Variants in STK10 observed in about 807,000 individuals in gnomAD.
STK10 encodes the protein serine/threonine-protein kinase 10.
A neutral mutation model predicts 113.8 loss-of-function variants in STK10; 78 were observed. The observed-to-expected ratio is 0.69, with a 90% CI of 0.57 to 0.83. The LOEUF (loss-of-function observed/expected upper bound fraction) is 0.83, where lower values mean the gene tolerates loss of function less well. Among genes scored for constraint, STK10 ranks in the 40% least tolerant of loss-of-function variants. The pLI is 0.00. For missense variants in STK10, 1,109 were observed against 1,280.1 expected (o/e 0.87, Z 2.04); for synonymous variants, 465 against 494.7 (o/e 0.94, Z 0.80).
At chr5:172,113,262 G>A (rs758797366) in intron 4 of STK10, among the ~76,000 whole-genome samples, 13 of 152,038 alleles carry the variant, frequency 8.6e-5, no homozygotes, top group Admixed American at 2.6e-4. Flanking sequence ...AGGGCATGCC[G>A]GCTGCAGGAT....
intron 7 of STK10, among the ~76,000 whole-genome samples, chr5:172,098,622 T>C (rs952276626): frequency 1.3e-5 from 2 of 152,146 alleles, no homozygotes; most frequent in Non-Finnish European, 2.9e-5. Context: ...TTCTGGCTGC[T>C]CTGTACTTTT....
intron 14 of STK10, among the ~76,000 whole-genome samples, chr5:172,060,484 A>G (rs1172774959): frequency 6.6e-6 from 1 of 152,218 alleles, no homozygotes; most frequent in Non-Finnish European, 1.5e-5. Flanking sequence ...CCCCAGAGCT[A>G]GTCTCCCTTC....
chr5:172,109,602 C>T (rs949473760), intron 4 of STK10, among the ~76,000 whole-genome samples: 2 of 152,060 alleles, frequency 1.3e-5, no homozygotes, highest in Non-Finnish European at 2.9e-5. Context: ...GCACCAGGAC[C>T]GGCCAATAAG....
rs1767436875 is a variant in STK10 at position 172,043,874 on chromosome 5, G to A, written c.*1008C>T. Reference sequence around the variant, plus strand: ...ACTCCTGAACACAGTCGGGGGGATGGGGCAGAGGCAAACAGCCCTCCTGTT... The same window carrying A: ...ACTCCTGAACACAGTCGGGGGGATGAGGCAGAGGCAAACAGCCCTCCTGTT... On this transcript the variant is annotated 3_prime_UTR_variant, in exon 19 of 19. Coordinates refer to ENST00000176763, the MANE Select transcript of STK10 (RefSeq NM_005990.4). 1 of 152,314 alleles carries A rather than the reference G, an allele frequency of 6.6e-6. No homozygotes were observed. Among genetic ancestry groups the A allele is most frequent in the African/African-American group, 2.4e-5 (1 of 41,460 alleles). The allele number at this position is 152,314 out of a possible 1,614,324, so 9.4% of individuals were successfully genotyped here. A position where few individuals can be genotyped will look rare whatever the true frequency, so the allele number is the denominator to read the frequency against.
chr5:172,095,589 G>T (rs59846182), intron 8 of STK10, among the ~76,000 whole-genome samples: 3,732 of 152,348 alleles, frequency 0.024, 160 homozygotes, highest in African/African-American at 0.084. Flanking sequence ...CATGCATGGC[G>T]GGGGTGGTTG....
In STK10 at chr5:172,093,891, C is replaced by G; in HGVS notation, c.1075G>C (p.Glu359Gln). ...GCCAGCGGGGTGGAAGGTGACTCCT[C>G]GAGAGGCTTGTCAGCATTGAGGCTT... is the stretch of plus-strand genomic sequence containing the variant. ...PPSLNADKPL[E>Q]ESPSTPLAPS... The change falls in exon 9 of 19, where the codon GAG becomes CAG. Residue 359 changes from glutamate to glutamine, a missense_variant. This residue lies in a region of STK10 where 885 missense variants were observed against 991.1 expected (regional missense o/e 0.89). Coordinates refer to ENST00000176763, the MANE Select transcript of STK10 (RefSeq NM_005990.4). This position sits in a 1 kb window ranked among gnomAD's most constrained non-coding sequence, Gnocchi z 4.1. 1 of 1,554,326 alleles carries G rather than the reference C, an allele frequency of 6.4e-7. No homozygotes were observed. Among genetic ancestry groups the G allele is most frequent in the Non-Finnish European group, 8.7e-7 (1 of 1,147,448 alleles).
chr5:172,074,829 G>T (rs867610238), intron 12 of STK10, among the ~76,000 whole-genome samples: 25 of 152,126 alleles, frequency 1.6e-4, no homozygotes, highest in African/African-American at 6.0e-4. Flanking sequence ...GGCCAGCCTG[G>T]CCAACATGGT....
chr5:172,062,788 A>G (rs1181650933), intron 13 of STK10, among the ~76,000 whole-genome samples: 3 of 152,260 alleles, frequency 2.0e-5, no homozygotes, highest in African/African-American at 4.8e-5. Flanking sequence ...TTTCAGTTTT[A>G]CAAGACAAGA....
At chr5:172,067,861 T>A (rs534563380) in intron 12 of STK10, among the ~76,000 whole-genome samples, 1 of 152,106 alleles carries the variant, frequency 6.6e-6, no homozygotes, top group Admixed American at 6.6e-5. Context: ...CCAAACAGGT[T>A]AAATTAAAAG....
At chr5:172,086,890 A>T (rs1228486518) in intron 10 of STK10, among the ~76,000 whole-genome samples, 2 of 152,222 alleles carry the variant, frequency 1.3e-5, no homozygotes, top group African/African-American at 4.8e-5. Flanking sequence ...GGGGAACCAC[A>T]GCCAGGGCCA....
At chr5:172,055,175 T>C (rs1466598027) in intron 16 of STK10, among the ~76,000 whole-genome samples, 1 of 82,620 alleles carries the variant, frequency 1.2e-5, no homozygotes, top group Non-Finnish European at 2.3e-5. Flanking sequence ...CCCAAGACCT[T>C]ATGGCGGGTG....
intron 5 of STK10, chr5:172,107,172 A>G (rs1450812609): frequency 4.5e-6 from 1 of 221,088 alleles, no homozygotes; most frequent in Non-Finnish European, 9.0e-6. Flanking sequence ...AGAGAGGAGA[A>G]ACAGGTATAA....
At chr5:172,167,275 ATTAAC>A (rs1320599339) in intron 1 of STK10, among the ~76,000 whole-genome samples, 1 of 151,826 alleles carries the variant, frequency 6.6e-6, no homozygotes, top group Admixed American at 6.6e-5. Flanking sequence ...CAATGGTTAA[ATTAAC>A]TTAATGGGAT....
chr5:172,048,049 T>C (rs1351646357), intron 18 of STK10, among the ~76,000 whole-genome samples: 2 of 152,056 alleles, frequency 1.3e-5, no homozygotes, highest in Admixed American at 6.6e-5. Flanking sequence ...ATTACAGGCA[T>C]GCGCCACTGT....
chr5:172,105,773 G>C (rs750464143), intron 6 of STK10, 36 bp from the exon 7 acceptor site: 1 of 1,597,354 alleles, frequency 6.3e-7, no homozygotes, highest in Non-Finnish European at 8.6e-7. Context: ...GCATGGAGGA[G>C]GCAAGAGCAG....
intron 2 of STK10, among the ~76,000 whole-genome samples, chr5:172,142,811 G>A (rs1003463964): frequency 1.3e-5 from 2 of 152,150 alleles, no homozygotes; most frequent in African/African-American, 4.8e-5. Context: ...ACAGATAAGT[G>A]GCAGAGATCT....
chr5:172,146,374 T>C (rs559536197), intron 2 of STK10, among the ~76,000 whole-genome samples: 53 of 152,292 alleles, frequency 3.5e-4, no homozygotes, highest in East Asian at 2.5e-3. Flanking sequence ...GAGGCCACGA[T>C]AGCTGCAACT....
chr5:172,065,391 A>C (rs1237894783), intron 12 of STK10, among the ~76,000 whole-genome samples: 1 of 150,902 alleles, frequency 6.6e-6, no homozygotes, highest in Non-Finnish European at 1.5e-5. Flanking sequence ...CACCTGGCTA[A>C]TTTTTGTATT....
chr5:172,081,180 A>T (rs1029042721), intron 12 of STK10, among the ~76,000 whole-genome samples: 1 of 152,004 alleles, frequency 6.6e-6, no homozygotes, highest in African/African-American at 2.4e-5. Flanking sequence ...GTGAAACCCC[A>T]TCTCTACCAA....
Sources: gnomAD v4.1 joint callset for allele counts (sites outside exome capture counted in the v4.1 genomes callset) on GRCh38, gnomAD v4.1.1 for gene constraint, gnomAD v4.1.1 regional missense constraint, Gnocchi (gnomAD v3.1) non-coding constraint, MANE v1.5 for transcripts, NCBI Gene and HGNC (gene_info 2026-07-23, HGNC 2026-07-21) for gene names.